WDR7: variants seen among roughly 807,000 people sequenced by gnomAD.
The protein encoded by WDR7 is WD repeat domain 7, also known as WD repeat-containing protein 7.
Under a neutral mutation model 169.4 loss-of-function variants are expected in WDR7, and 46 were observed. The ratio of observed to expected loss-of-function variants is 0.27; its 90% CI spans 0.21 to 0.35. WDR7 has a LOEUF of 0.35. WDR7 is among the 10% of genes least tolerant of loss of function. The pLI is 1.00. For missense variants in WDR7, 1,534 were observed against 1,859.3 expected (o/e 0.83, Z 3.22); for synonymous variants, 612 against 666.8 (o/e 0.92, Z 1.27).
intron 1 of WDR7, among the ~76,000 whole-genome samples, chr18:56,661,685 T>G (rs554722080): frequency 6.6e-6 from 1 of 152,350 alleles, no homozygotes; most frequent in East Asian, 1.9e-4. Context: ...GTCAGCTGCT[T>G]AAGTGTTCAG....
chr18:56,669,914 A>G (rs772133035), intron 1 of WDR7, among the ~76,000 whole-genome samples: 4 of 152,200 alleles, frequency 2.6e-5, no homozygotes, highest in Non-Finnish European at 5.9e-5. Context: ...TAACTAATAC[A>G]TAGACTGGTT....
chr18:56,809,516 ATAATTAATT>A (rs2044833003), intron 19 of WDR7, among the ~76,000 whole-genome samples: 1 of 152,284 alleles, frequency 6.6e-6, no homozygotes, highest in South Asian at 2.1e-4. Flanking sequence ...ATATCACCAT[ATAATTAATT>A]GACAATATTT....
In WDR7 at chr18:56,923,985, T is replaced by C; in HGVS notation, c.3590T>C (p.Ile1197Thr). 3 of 1,611,942 alleles carry C rather than the reference T, an allele frequency of 1.9e-6. No individual in the cohort carries two copies. The highest frequency in any genetic ancestry group is 2.5e-6 in the Non-Finnish European group (3 of 1,179,304). ...CCCAAACTTCCTCCACACAGCACTA[T>C]CCGAAGAACAGCCATTGATCTGATT... ...PSPKLPPHST[I>T]RRTAIDLIGR... Residue 1197 changes from isoleucine (I) to threonine (T), a missense_variant, in exon 22 of 28, where the codon ATC becomes ACC. Transcript: ENST00000254442.
intron 21 of WDR7, among the ~76,000 whole-genome samples, chr18:56,913,306 C>G (rs1169358538): frequency 6.6e-6 from 1 of 152,098 alleles, no homozygotes; most frequent in East Asian, 1.9e-4. Flanking sequence ...CTTTGGATAA[C>G]TGCCCCTTGC....
intron 21 of WDR7, among the ~76,000 whole-genome samples, chr18:56,883,907 CATTG>C (rs1293964252): frequency 6.6e-6 from 1 of 152,076 alleles, no homozygotes; most frequent in African/African-American, 2.4e-5. Context: ...TTTATCCAGT[CATTG>C]ATTGATGGGC....
intron 1 of WDR7, among the ~76,000 whole-genome samples, chr18:56,663,884 CATG>C (rs955018591): frequency 1.3e-5 from 2 of 151,426 alleles, no homozygotes; most frequent in African/African-American, 4.9e-5. Context: ...ACAACAACAA[CATG>C]AGGTAACAGG....
intron 26 of WDR7, among the ~76,000 whole-genome samples, chr18:56,980,906 A>G (rs546506234): frequency 4.9e-4 from 74 of 152,308 alleles, no homozygotes; most frequent in Non-Finnish European, 9.4e-4. Context: ...AGGAATTTTG[A>G]TATTATCCTC....
At chr18:56,900,793 A>T (rs184795928) in intron 21 of WDR7, among the ~76,000 whole-genome samples, 1 of 152,284 alleles carries the variant, frequency 6.6e-6, no homozygotes, top group East Asian at 1.9e-4. Flanking sequence ...GCTGGTCTAT[A>T]GACACAGCCT....
chr18:56,875,825 A>C (rs1457744274), intron 20 of WDR7, among the ~76,000 whole-genome samples: 1 of 152,200 alleles, frequency 6.6e-6, no homozygotes, highest in Non-Finnish European at 1.5e-5. Context: ...TGCAATTCTT[A>C]CATGTTGAAT....
chr18:56,925,063 C>T (rs574200233), intron 22 of WDR7, among the ~76,000 whole-genome samples: 26 of 152,320 alleles, frequency 1.7e-4, no homozygotes, highest in African/African-American at 6.0e-4. Flanking sequence ...TCTTCACTGA[C>T]ATGATGTCTT....
chr18:56,689,808 T>C (rs1210309449), intron 7 of WDR7, among the ~76,000 whole-genome samples: 1 of 128,514 alleles, frequency 7.8e-6, no homozygotes, highest in Non-Finnish European at 1.9e-5. Flanking sequence ...TTCTAACTTT[T>C]ATAGTTGTAT....
chr18:56,796,882 A>C (rs1422575606), intron 19 of WDR7, among the ~76,000 whole-genome samples: 1 of 152,182 alleles, frequency 6.6e-6, no homozygotes, highest in Non-Finnish European at 1.5e-5. Flanking sequence ...AAGAAATTTG[A>C]GGGGAGTTTG....
chr18:56,803,085 T>A (rs921894627), intron 19 of WDR7, among the ~76,000 whole-genome samples: 1 of 152,228 alleles, frequency 6.6e-6, no homozygotes, highest in Non-Finnish European at 1.5e-5. Context: ...TCTTACATGG[T>A]ACTCATTACT....
At chr18:56,692,748 C>G (rs1037967666) in intron 9 of WDR7, among the ~76,000 whole-genome samples, 5 of 152,030 alleles carry the variant, frequency 3.3e-5, no homozygotes, top group Non-Finnish European at 7.4e-5. Context: ...TAAATATCAG[C>G]TCCCTAATAC....
At chr18:56,924,975 T>G (rs2046783584) in intron 22 of WDR7, among the ~76,000 whole-genome samples, 2 of 152,176 alleles carry the variant, frequency 1.3e-5, no homozygotes, top group East Asian at 3.9e-4. Flanking sequence ...CCATTAATCT[T>G]CTGTCTCTGT....
chr18:56,731,369 T>C lies in WDR7; in HGVS notation c.1775-14T>C. On this transcript the variant is annotated splice_polypyrimidine_tract_variant and intron_variant, in intron 13 of 27. Coordinates refer to ENST00000254442, the MANE Select transcript of WDR7 (RefSeq NM_015285.3). The stretch of plus-strand genomic sequence containing the variant: ...TAGTGTTATGAAATATTTGTGAATA[T>C]ATTTTTCTCGCAGGTGCATTGGATC... 6.2e-7 allele frequency: 1 copy of C among 1,609,364 alleles called. No homozygotes were observed. Among genetic ancestry groups the C allele is most frequent in the Non-Finnish European group, 8.5e-7 (1 of 1,176,160 alleles).
At chr18:56,767,554 A>G (rs1599028233) in intron 16 of WDR7, among the ~76,000 whole-genome samples, 2 of 152,098 alleles carry the variant, frequency 1.3e-5, no homozygotes, top group Non-Finnish European at 2.9e-5. Context: ...CTTGAAAACC[A>G]TTGTTCATAC....
At chr18:56,708,040 T>A (rs1043516778) in intron 12 of WDR7, among the ~76,000 whole-genome samples, 14 of 150,812 alleles carry the variant, frequency 9.3e-5, no homozygotes, top group African/African-American at 3.4e-4. Flanking sequence ...CTTTTTTTTT[T>A]TTTTTTTTTC....
At chr18:56,843,857 C>CTTTTTT (rs776575088) in intron 20 of WDR7, among the ~76,000 whole-genome samples, 19 of 134,326 alleles carry the variant, frequency 1.4e-4, no homozygotes, top group Non-Finnish European at 2.2e-4. Flanking sequence ...TTTTTTCTTT[C>CTTTTTT]TTTTTTTTTT....
Sources: gnomAD v4.1 joint callset for allele counts (sites outside exome capture counted in the v4.1 genomes callset) on GRCh38, gnomAD v4.1.1 for gene constraint, MANE v1.5 for transcripts, NCBI Gene and HGNC (gene_info 2026-07-23, HGNC 2026-07-21) for gene names.